PDGFC: variants seen among roughly 807,000 people sequenced by gnomAD.
PDGFC encodes platelet derived growth factor C.
In PDGFC, 12 loss-of-function variants were observed where a neutral mutation model predicts 35.5. The ratio of observed to expected loss-of-function variants is 0.34; its 90% CI spans 0.22 to 0.55. The LOEUF (loss-of-function observed/expected upper bound fraction) is 0.55. Ranked by LOEUF, PDGFC falls within the 20% of genes least tolerant of loss-of-function variation. PDGFC has a pLI of 0.91. For missense variants in PDGFC, 322 were observed against 412.4 expected (o/e 0.78, Z 1.90); for synonymous variants, 159 against 148.8 (o/e 1.07, Z -0.50).
At chr4:156,924,981 C>A (rs1024855734) in intron 1 of PDGFC, among the ~76,000 whole-genome samples, 1 of 133,648 alleles carries the variant, frequency 7.5e-6, no homozygotes, top group African/African-American at 2.9e-5. Context: ...GTCAGGGCAG[C>A]ACATAGGGCT....
At chr4:156,832,204 T>C (rs541599495) in intron 2 of PDGFC, among the ~76,000 whole-genome samples, 1 of 150,136 alleles carries the variant, frequency 6.7e-6, no homozygotes, top group African/African-American at 2.4e-5. Context: ...AAGGCTTATC[T>C]TCCTTAAAAA....
chr4:156,906,324 A>G (rs960630810), intron 1 of PDGFC, among the ~76,000 whole-genome samples: 4 of 152,126 alleles, frequency 2.6e-5, no homozygotes, highest in Non-Finnish European at 5.9e-5. Context: ...TAAATATAGT[A>G]AATTCAATTT....
chr4:156,884,764 C>T (rs1455679130), intron 1 of PDGFC, among the ~76,000 whole-genome samples: 3 of 152,160 alleles, frequency 2.0e-5, no homozygotes, highest in Non-Finnish European at 1.5e-5. Context: ...TCCAAATACA[C>T]TGATACCACA....
chr4:156,872,923 A>G (rs991749501), intron 1 of PDGFC, among the ~76,000 whole-genome samples: 1 of 152,144 alleles, frequency 6.6e-6, no homozygotes, highest in Non-Finnish European at 1.5e-5. Context: ...TGAGCCCATG[A>G]GTTCAAGACC....
At position 156,904,455 on chromosome 4, in the gene PDGFC, C is replaced by A. The variant is rs144071554; in HGVS notation, c.119-54039G>T. On this transcript the variant is annotated intron_variant, in intron 1 of 5. Coordinates refer to ENST00000502773, the MANE Select transcript of PDGFC (RefSeq NM_016205.3). ...CCTGGGAAGTGTCCTGCACTTATTT[C>A]TCTTGTCCATAGAAATTTATCTTTC... is the stretch of plus-strand genomic sequence containing the variant. Among the ~76,000 whole-genome samples the A allele has an allele frequency of 3.3e-3, 501 of 152,190 alleles. 3 individuals carry two copies. Among genetic ancestry groups the A allele is most frequent in the African/African-American group, 0.011 (469 of 41,564 alleles).
intron 3 of PDGFC, chr4:156,778,977 G>A (rs894771899): frequency 3.5e-5 from 11 of 312,410 alleles, no homozygotes; most frequent in African/African-American, 6.6e-5. Context: ...AAAATGATCA[G>A]GTGTTTAAGA....
At chr4:156,843,703 A>G (rs531281896) in intron 2 of PDGFC, among the ~76,000 whole-genome samples, 2 of 152,320 alleles carry the variant, frequency 1.3e-5, no homozygotes, top group South Asian at 4.1e-4. Context: ...TCCAAAACCC[A>G]GTTACATATT....
intron 3 of PDGFC, among the ~76,000 whole-genome samples, chr4:156,792,807 C>T (rs968609250): frequency 6.6e-6 from 1 of 152,164 alleles, no homozygotes; most frequent in Non-Finnish European, 1.5e-5. Flanking sequence ...TACAATGAGA[C>T]AGCCATCCAT....
chr4:156,807,012 AG>A (rs1218218200), intron 3 of PDGFC, among the ~76,000 whole-genome samples: 1 of 148,934 alleles, frequency 6.7e-6, no homozygotes, highest in Non-Finnish European at 1.5e-5. Flanking sequence ...CTAATCTACC[AG>A]GTCTTTTTTT....
intron 1 of PDGFC, chr4:156,967,469 G>A (rs950460012): frequency 2.6e-5 from 4 of 152,178 alleles, no homozygotes; most frequent in African/African-American, 9.7e-5. Context: ...CAACCGTAGC[G>A]AAGAGCGGCA....
intron 1 of PDGFC, among the ~76,000 whole-genome samples, chr4:156,929,869 C>T (rs888327761): frequency 6.6e-6 from 1 of 152,122 alleles, no homozygotes; most frequent in Non-Finnish European, 1.5e-5. Context: ...TGTTGACAGG[C>T]CAGAACTTGT....
chr4:156,907,608 T>C (rs1211002098), intron 1 of PDGFC, among the ~76,000 whole-genome samples: 3 of 152,142 alleles, frequency 2.0e-5, no homozygotes. Flanking sequence ...TTCAGACTTG[T>C]GTGTCAAATC....
chr4:156,894,941 T>C (rs1730595712), intron 1 of PDGFC, among the ~76,000 whole-genome samples: 1 of 152,216 alleles, frequency 6.6e-6, no homozygotes, highest in African/African-American at 2.4e-5. Flanking sequence ...TGTATTTTAC[T>C]AATTCTGCAT....
At chr4:156,782,517 T>C (rs999902996) in intron 3 of PDGFC, among the ~76,000 whole-genome samples, 4 of 152,326 alleles carry the variant, frequency 2.6e-5, no homozygotes, top group African/African-American at 9.6e-5. Flanking sequence ...GGGCATTTTT[T>C]TTACATTTTT....
chr4:156,791,611 T>TG (rs1731302034), intron 3 of PDGFC, among the ~76,000 whole-genome samples: 2 of 152,154 alleles, frequency 1.3e-5, no homozygotes, highest in South Asian at 4.1e-4. Context: ...ACACATTAAC[T>TG]GGGGGAATAT....
intron 2 of PDGFC, among the ~76,000 whole-genome samples, chr4:156,827,436 G>T (rs191264784): frequency 1.4e-5 from 2 of 147,188 alleles, no homozygotes; most frequent in Non-Finnish European, 2.9e-5. Context: ...AAAAATAACA[G>T]ATTGATACAC....
chr4:156,949,818 C>T (rs1383072008), intron 1 of PDGFC, among the ~76,000 whole-genome samples: 1 of 151,894 alleles, frequency 6.6e-6, no homozygotes, highest in East Asian at 1.9e-4. Context: ...CCCTACGTCC[C>T]CTTGAGGACA....
At chr4:156,877,503 T>G (rs1163582357) in intron 1 of PDGFC, among the ~76,000 whole-genome samples, 1 of 152,162 alleles carries the variant, frequency 6.6e-6, no homozygotes, top group Non-Finnish European at 1.5e-5. Context: ...AAAAATTCTT[T>G]CTTCTTTACC....
chr4:156,817,199 T>A (rs1579028607), intron 2 of PDGFC, among the ~76,000 whole-genome samples: 1 of 151,846 alleles, frequency 6.6e-6, no homozygotes, highest in African/African-American at 2.4e-5. Context: ...CTTACAAAGC[T>A]AGAAAAATTA....
Sources: allele counts gnomAD v4.1 joint callset (sites outside exome capture counted in the v4.1 genomes callset), GRCh38; gene constraint gnomAD v4.1.1; transcripts MANE v1.5; gene names NCBI Gene and HGNC (gene_info 2026-07-23, HGNC 2026-07-21).